ASIC2: variants seen among roughly 807,000 people sequenced by gnomAD.
ASIC2 encodes acid sensing ion channel subunit 2.
In ASIC2, 25 loss-of-function variants were observed where a neutral mutation model predicts 57.3. That is an observed-to-expected ratio of 0.44 (90% CI 0.32 to 0.61). The LOEUF (loss-of-function observed/expected upper bound fraction) is 0.61. ASIC2 is among the 20% of genes least tolerant of loss of function. The pLI is 0.06. For synonymous variants in ASIC2, 319 were observed against 307.5 expected (o/e 1.04, Z -0.39); for missense variants, 641 against 738.1 (o/e 0.87, Z 1.52).
chr17:33,113,633 T>C (rs2092268962), intron 1 of ASIC2, among the ~76,000 whole-genome samples: 2 of 152,240 alleles, frequency 1.3e-5, no homozygotes, highest in South Asian at 4.1e-4. Flanking sequence ...CTTTCTTATG[T>C]AAATCTTTAC....
intron 1 of ASIC2, among the ~76,000 whole-genome samples, chr17:33,396,815 A>G (rs1412093601): frequency 1.3e-5 from 2 of 152,210 alleles, no homozygotes; most frequent in Non-Finnish European, 2.9e-5. Flanking sequence ...AAATTTACCT[A>G]GTCCACTTCT....
upstream of ASIC2, among the ~76,000 whole-genome samples, chr17:33,293,378 T>G (rs1905590552): frequency 6.6e-6 from 1 of 152,202 alleles, no homozygotes; most frequent in African/African-American, 2.4e-5. Context: ...CCTCGCTGCA[T>G]TTTAATTCCT....
intron 1 of ASIC2, among the ~76,000 whole-genome samples, chr17:33,625,946 C>A (rs1376105193): frequency 6.6e-6 from 1 of 152,206 alleles, no homozygotes; most frequent in African/African-American, 2.4e-5. Flanking sequence ...CCTCTTAGAT[C>A]AGGCATTGGT....
intron 1 of ASIC2, among the ~76,000 whole-genome samples, chr17:33,268,683 C>T (rs1294908484): frequency 6.6e-6 from 1 of 152,116 alleles, no homozygotes; most frequent in African/African-American, 2.4e-5. Flanking sequence ...GACACTAACA[C>T]ATATAGAGCA....
intron 2 of ASIC2, among the ~76,000 whole-genome samples, chr17:33,096,546 A>AC (rs1465609246): frequency 1.3e-5 from 2 of 151,912 alleles, no homozygotes; most frequent in African/African-American, 4.8e-5. Context: ...ACCTGTGGAG[A>AC]CCCCTATCCA....
chr17:33,899,667 A>T (rs765350492), intron 1 of ASIC2, among the ~76,000 whole-genome samples: 7 of 152,222 alleles, frequency 4.6e-5, no homozygotes, highest in Non-Finnish European at 7.3e-5. Flanking sequence ...GAGACCCGGT[A>T]TGAGATACAC....
chr17:33,925,083 C>T (rs1915796600), intron 1 of ASIC2, among the ~76,000 whole-genome samples: 1 of 152,228 alleles, frequency 6.6e-6, no homozygotes, highest in Non-Finnish European at 1.5e-5. Flanking sequence ...TCTCTGGCCA[C>T]CATGCTGCAG....
intron 1 of ASIC2, among the ~76,000 whole-genome samples, chr17:33,384,835 T>C (rs1359863507): frequency 6.6e-6 from 1 of 152,208 alleles, no homozygotes; most frequent in Non-Finnish European, 1.5e-5. Flanking sequence ...CACTCCTTGA[T>C]AACTATGTTG....
intron 1 of ASIC2, among the ~76,000 whole-genome samples, chr17:33,844,278 G>T (rs1191123078): frequency 6.6e-6 from 1 of 152,134 alleles, no homozygotes; most frequent in Non-Finnish European, 1.5e-5. Context: ...AAAAATTCTT[G>T]TAGGATGACC....
rs1336708666 is a variant in ASIC2 at position 33,334,078 on chromosome 17, G to A, written c.556-222011C>T. On this transcript the variant is annotated intron_variant, in intron 1 of 9. Transcript: ENST00000359872. ...AGTTGCTCAAAGTCTAAAATTAGGT[G>A]TCCCAGAAGCACAACTATTTTCTCT... is the stretch of plus-strand genomic sequence containing the variant. Among the ~76,000 whole-genome samples, 9 of 152,196 alleles carry A rather than the reference G, an allele frequency of 5.9e-5. No homozygotes were observed. In the East Asian group the frequency reaches 1.7e-3, roughly 29 times the overall value.
intron 1 of ASIC2, among the ~76,000 whole-genome samples, chr17:33,191,712 T>A (rs767743134): frequency 1.3e-5 from 2 of 152,160 alleles, no homozygotes; most frequent in Non-Finnish European, 2.9e-5. Context: ...TTTCTCCTAA[T>A]GCCCCATGTG....
intron 1 of ASIC2, among the ~76,000 whole-genome samples, chr17:33,389,148 C>T (rs114617346): frequency 0.017 from 2,562 of 152,148 alleles, 35 homozygotes; most frequent in African/African-American, 0.042. Context: ...TTTGTAGAGA[C>T]AGGGTCTTGC....
intron 1 of ASIC2, chr17:33,291,079 A>G (rs1043399795): frequency 3.0e-4 from 94 of 311,202 alleles, no homozygotes; most frequent in African/African-American, 2.0e-3. Flanking sequence ...GAGGGCCTGG[A>G]GTTGAGGTCG....
At chr17:33,238,254 A>C (rs1476108042) in intron 1 of ASIC2, among the ~76,000 whole-genome samples, 1 of 152,198 alleles carries the variant, frequency 6.6e-6, no homozygotes, top group African/African-American at 2.4e-5. Context: ...GCACGACGGC[A>C]CTGCAAGATT....
At chr17:33,857,809 TC>T (rs1280901429) in intron 1 of ASIC2, among the ~76,000 whole-genome samples, 1 of 152,114 alleles carries the variant, frequency 6.6e-6, no homozygotes, top group Non-Finnish European at 1.5e-5. Context: ...TCCAGAAACT[TC>T]CCTTCATGGA....
At chr17:33,065,343 A>ATT (rs35416686) in intron 3 of ASIC2, among the ~76,000 whole-genome samples, 5,684 of 144,126 alleles carry the variant, frequency 0.039, 399 homozygotes, top group African/African-American at 0.14. Context: ...ACTTCCTGCT[A>ATT]TTTTTTTTTT....
At chr17:33,868,524 T>A (rs1049101812) in intron 1 of ASIC2, among the ~76,000 whole-genome samples, 1 of 152,050 alleles carries the variant, frequency 6.6e-6, no homozygotes, top group African/African-American at 2.4e-5. Flanking sequence ...TAGGCATAAA[T>A]CTCTGAGCCC....
intron 1 of ASIC2, among the ~76,000 whole-genome samples, chr17:33,520,613 G>A (rs1184811577): frequency 6.6e-6 from 1 of 152,236 alleles, no homozygotes; most frequent in Non-Finnish European, 1.5e-5. Flanking sequence ...GAGAGACCAC[G>A]AGAGGGCGGC....
intron 1 of ASIC2, among the ~76,000 whole-genome samples, chr17:33,643,152 C>T (rs994997176): frequency 6.6e-6 from 1 of 150,394 alleles, no homozygotes; most frequent in Non-Finnish European, 1.5e-5. Context: ...TCATTTCCCC[C>T]CCCCCACATT....
Sources: allele counts gnomAD v4.1 joint callset (sites outside exome capture counted in the v4.1 genomes callset), GRCh38; gene constraint gnomAD v4.1.1; transcripts MANE v1.5; gene names NCBI Gene and HGNC (gene_info 2026-07-23, HGNC 2026-07-21).